The following ITGA9 variants were observed in gnomAD, a reference collection of about 807,000 sequenced individuals.
ITGA9 encodes the protein integrin alpha-9.
A neutral mutation model predicts 127.8 loss-of-function variants in ITGA9; 56 were observed. The observed-to-expected ratio is 0.44, with a 90% CI of 0.35 to 0.55. ITGA9 has a LOEUF of 0.55. Among genes scored for constraint, ITGA9 ranks in the 20% least tolerant of loss-of-function variants. The pLI, the probability that ITGA9 is intolerant of heterozygous loss-of-function variation, is 0.00. For missense variants in ITGA9, 1,196 were observed against 1,347.1 expected (o/e 0.89, Z 1.76); for synonymous variants, 508 against 514.5 (o/e 0.99, Z 0.17).
intron 16 of ITGA9, among the ~76,000 whole-genome samples, chr3:37,641,105 G>A (rs967661699): frequency 5.3e-5 from 8 of 152,098 alleles, no homozygotes; most frequent in African/African-American, 1.7e-4. Context: ...GGACGCAATG[G>A]CACCATCTTA....
At position 37,779,716 on chromosome 3, in the gene ITGA9, C is replaced by T. The variant is rs559413373; in HGVS notation, c.2668-186C>T. On this transcript the variant is annotated intron_variant, in intron 24 of 27. Transcript: ENST00000264741. ...TTGACTTAAAGGCATGCTCTGGTTC[C>T]CACTGGGTGGGAAATCCCTTGAATG... Among the ~76,000 whole-genome samples the T allele has an allele frequency of 3.3e-5, 5 of 152,240 alleles. No homozygotes were observed. The East Asian group carries it at 9.7e-4, about 29-fold the overall frequency.
intron 4 of ITGA9, 69 bp downstream of exon 4, chr3:37,481,676 A>G (rs1698557287): frequency 4.4e-6 from 7 of 1,575,330 alleles, no homozygotes; most frequent in Non-Finnish European, 6.1e-6. Context: ...TCCCACCTCT[A>G]TGCACCACCA....
At chr3:37,759,966 C>A (rs1349676611) in intron 23 of ITGA9, among the ~76,000 whole-genome samples, 4 of 151,768 alleles carry the variant, frequency 2.6e-5, no homozygotes, top group Non-Finnish European at 5.9e-5. Flanking sequence ...GTGGCTCATG[C>A]CTGTAATCCC....
intron 26 of ITGA9, among the ~76,000 whole-genome samples, chr3:37,802,526 A>G (rs1697247782): frequency 6.6e-6 from 1 of 152,194 alleles, no homozygotes; most frequent in African/African-American, 2.4e-5. Context: ...AAAGGAGAGA[A>G]TGACTGCCCA....
intron 26 of ITGA9, among the ~76,000 whole-genome samples, chr3:37,786,244 T>C (rs1473456495): frequency 6.6e-6 from 1 of 152,348 alleles, no homozygotes; most frequent in South Asian, 2.1e-4. Context: ...GCTTAGAAAC[T>C]GTTGTTAATT....
At chr3:37,744,129 A>G (rs1400996668) in intron 22 of ITGA9, 95 bp downstream of exon 22, 1 of 864,314 alleles carries the variant, frequency 1.2e-6, no homozygotes, top group East Asian at 2.4e-5. Context: ...TGTCAGGAGA[A>G]ACCCTTCTGT....
chr3:37,804,722 A>G (rs963356800), intron 27 of ITGA9, among the ~76,000 whole-genome samples: 1 of 152,202 alleles, frequency 6.6e-6, no homozygotes, highest in African/African-American at 2.4e-5. Flanking sequence ...TAGAATTACA[A>G]ATTTCAGATG....
intron 15 of ITGA9, among the ~76,000 whole-genome samples, chr3:37,579,728 A>G (rs1176357202): frequency 6.6e-6 from 1 of 152,166 alleles, no homozygotes; most frequent in Non-Finnish European, 1.5e-5. Context: ...TATTCTGTTT[A>G]TAATATCTAA....
At chr3:37,747,917 C>T (rs1301192319) in intron 22 of ITGA9, among the ~76,000 whole-genome samples, 1 of 151,772 alleles carries the variant, frequency 6.6e-6, no homozygotes, top group Non-Finnish European at 1.5e-5. Flanking sequence ...GAGAGGGGGT[C>T]GGGTTTTAGA....
intron 18 of ITGA9, among the ~76,000 whole-genome samples, chr3:37,714,901 G>T (rs538080919): frequency 6.6e-6 from 1 of 152,184 alleles, no homozygotes; most frequent in Admixed American, 6.5e-5. Context: ...CATCTGTGAG[G>T]CAGCATGGGA....
chr3:37,735,328 G>GC (rs1696346846), intron 19 of ITGA9, among the ~76,000 whole-genome samples: 1 of 151,764 alleles, frequency 6.6e-6, no homozygotes, highest in Non-Finnish European at 1.5e-5. Context: ...CTCCATGCCT[G>GC]CCCCCCACCC....
At chr3:37,732,946 C>T in intron 19 of ITGA9, 148 bp downstream of exon 19, 4 of 699,124 alleles carry the variant, frequency 5.7e-6, no homozygotes, top group South Asian at 4.5e-5. Flanking sequence ...CTGACATGCT[C>T]CTGTCCCTGG....
intron 1 of ITGA9, among the ~76,000 whole-genome samples, chr3:37,469,660 T>G (rs1333175008): frequency 6.6e-6 from 1 of 152,198 alleles, no homozygotes. Flanking sequence ...TTTTGAACTT[T>G]AGATAAATGG....
At chr3:37,482,852 A>G (rs1698570943) in intron 4 of ITGA9, among the ~76,000 whole-genome samples, 1 of 152,206 alleles carries the variant, frequency 6.6e-6, no homozygotes, top group Non-Finnish European at 1.5e-5. Flanking sequence ...ATGTAGGGAA[A>G]TGAAACTCTG....
chr3:37,593,045 A>G (rs1699835572), intron 15 of ITGA9, among the ~76,000 whole-genome samples: 1 of 152,328 alleles, frequency 6.6e-6, no homozygotes, highest in South Asian at 2.1e-4. Context: ...AAGCATAATC[A>G]GTAGCCCCAT....
Position 37,533,359 on chromosome 3 carries a change from C to G in ITGA9, c.1419C>G (p.Gly473=). 6.2e-7 allele frequency: 1 copy of G among 1,614,202 alleles called. No individual in the cohort carries two copies. The highest frequency in any genetic ancestry group is 8.5e-7 in the Non-Finnish European group (1 of 1,180,024). ...ITVDVSIFLP[G]SINITAPQCH... ...TGGATGTCTCCATCTTCCTCCCGGGCTCCATCAACATCACAGCGCCTCAGT... is the reference window on the plus strand; with the variant it reads ...TGGATGTCTCCATCTTCCTCCCGGGGTCCATCAACATCACAGCGCCTCAGT... The change falls in exon 14 of 28, where the codon GGC becomes GGG. Residue 473 remains glycine (G), a synonymous_variant. Coordinates refer to ENST00000264741, the MANE Select transcript of ITGA9 (RefSeq NM_002207.3).
chr3:37,591,556 G>A (rs1030176779), intron 15 of ITGA9, among the ~76,000 whole-genome samples: 11 of 152,270 alleles, frequency 7.2e-5, no homozygotes, highest in African/African-American at 2.4e-4. Flanking sequence ...TTCTCTGGGG[G>A]GTTGGATTCA....
At chr3:37,733,515 C>CAAAAAAA (rs58505517) in intron 19 of ITGA9, among the ~76,000 whole-genome samples, 3 of 80,368 alleles carry the variant, frequency 3.7e-5, no homozygotes, top group Non-Finnish European at 6.7e-5. Context: ...CTCCGTCTCA[C>CAAAAAAA]AAAAAAAAAA....
chr3:37,770,451 G>C (rs1343907022), intron 23 of ITGA9, among the ~76,000 whole-genome samples: 3 of 152,116 alleles, frequency 2.0e-5, no homozygotes, highest in Non-Finnish European at 4.4e-5. Flanking sequence ...GAGGAAACCT[G>C]TGTCCTCTCT....
Sources: allele counts gnomAD v4.1 joint callset (sites outside exome capture counted in the v4.1 genomes callset), GRCh38; gene constraint gnomAD v4.1.1; transcripts MANE v1.5; gene names NCBI Gene and HGNC (gene_info 2026-07-23, HGNC 2026-07-21).